ERBB4: variants seen among roughly 807,000 people sequenced by gnomAD.
ERBB4 encodes receptor tyrosine-protein kinase erbB-4.
Under a neutral mutation model 158.0 loss-of-function variants are expected in ERBB4, and 42 were observed. That is an observed-to-expected ratio of 0.27 (90% CI 0.21 to 0.34). The LOEUF (loss-of-function observed/expected upper bound fraction) is 0.34, where lower values mean the gene tolerates loss of function less well. Among genes scored for constraint, ERBB4 ranks in the 10% least tolerant of loss-of-function variants. The pLI is 1.00. For synonymous variants in ERBB4, 583 were observed against 558.7 expected (o/e 1.04, Z -0.61); for missense variants, 1,333 against 1,624.1 (o/e 0.82, Z 3.08).
In ERBB4 at chr2:212,359,059, A is replaced by T. The variant is rs1454204154; in HGVS notation, c.82+179390T>A. ...CTAGAAATGCAGAGGATGAGGGAAA[A>T]TAAACCAATGCAACATCATATTTTG... On this transcript the variant is annotated intron_variant, in intron 1 of 27. Transcript: ENST00000342788. 2.0e-5 allele frequency among the ~76,000 whole-genome samples: 3 copies of T among 151,812 alleles called. No individual in the cohort carries two copies. In the South Asian group the frequency reaches 6.2e-4, roughly 31 times the overall value.
intron 3 of ERBB4, among the ~76,000 whole-genome samples, chr2:211,867,074 T>C (rs1280372378): frequency 7.1e-6 from 1 of 141,662 alleles, no homozygotes; most frequent in African/African-American, 2.5e-5. Flanking sequence ...TCCAGAACTT[T>C]CAGTGTGATA....
chr2:212,369,332 T>G (rs2090004390), intron 1 of ERBB4, among the ~76,000 whole-genome samples: 1 of 152,160 alleles, frequency 6.6e-6, no homozygotes, highest in South Asian at 2.1e-4. Flanking sequence ...GTCCTCTTCA[T>G]TTACTTATGT....
At chr2:211,996,780 G>C (rs2082210025) in intron 2 of ERBB4, among the ~76,000 whole-genome samples, 1 of 152,084 alleles carries the variant, frequency 6.6e-6, no homozygotes, top group South Asian at 2.1e-4. Flanking sequence ...ATCCTATTTT[G>C]GTGCCAATGA....
intron 20 of ERBB4, among the ~76,000 whole-genome samples, chr2:211,488,584 T>C (rs1268786647): frequency 3.3e-5 from 5 of 152,090 alleles, no homozygotes; most frequent in Non-Finnish European, 7.4e-5. Context: ...GCCAATTTTA[T>C]TTTAAAATAA....
At chr2:212,478,101 A>T (rs929561931) in intron 1 of ERBB4, among the ~76,000 whole-genome samples, 1 of 152,176 alleles carries the variant, frequency 6.6e-6, no homozygotes, top group Non-Finnish European at 1.5e-5. Flanking sequence ...TGTTCAACTC[A>T]TTCAAGTTCA....
chr2:211,411,908 C>T (rs1449144972), intron 25 of ERBB4, among the ~76,000 whole-genome samples: 4 of 151,980 alleles, frequency 2.6e-5, no homozygotes, highest in Admixed American at 1.3e-4. Flanking sequence ...TATTGTATTT[C>T]ACTTGGTACA....
At chr2:212,411,319 A>C (rs2091492236) in intron 1 of ERBB4, among the ~76,000 whole-genome samples, 1 of 152,142 alleles carries the variant, frequency 6.6e-6, no homozygotes, top group Non-Finnish European at 1.5e-5. Flanking sequence ...TCATCTTAAT[A>C]ACTTTTTTCT....
chr2:211,628,927 T>C (rs1335887701), intron 17 of ERBB4, among the ~76,000 whole-genome samples: 1 of 152,250 alleles, frequency 6.6e-6, no homozygotes. Flanking sequence ...CCAGTGATGA[T>C]GAGCATTTTT....
At chr2:212,138,876 G>A (rs2080356214) in intron 1 of ERBB4, among the ~76,000 whole-genome samples, 1 of 151,824 alleles carries the variant, frequency 6.6e-6, no homozygotes, top group Non-Finnish European at 1.5e-5. Flanking sequence ...ACATGTCATG[G>A]GTATTGTTTT....
At chr2:212,298,068 A>G (rs1322215151) in intron 1 of ERBB4, among the ~76,000 whole-genome samples, 1 of 151,834 alleles carries the variant, frequency 6.6e-6, no homozygotes, top group Non-Finnish European at 1.5e-5. Flanking sequence ...ATGTATTATT[A>G]TCTTACTACA....
At chr2:211,605,424 G>A (rs2068945359) in intron 19 of ERBB4, among the ~76,000 whole-genome samples, 1 of 152,072 alleles carries the variant, frequency 6.6e-6, no homozygotes, top group South Asian at 2.1e-4. Context: ...GAAAAAACAA[G>A]AGTTCTCACC....
chr2:212,133,600 A>T (rs1311767983), intron 1 of ERBB4, among the ~76,000 whole-genome samples: 1 of 151,466 alleles, frequency 6.6e-6, no homozygotes, highest in African/African-American at 2.4e-5. Context: ...TTCAGTAAAC[A>T]TTTGTTAAAT....
chr2:212,347,423 T>C (rs1196782093), intron 1 of ERBB4, among the ~76,000 whole-genome samples: 1 of 152,256 alleles, frequency 6.6e-6, no homozygotes, highest in Admixed American at 6.5e-5. Flanking sequence ...GAATCACTAA[T>C]ATACCCAAAA....
chr2:211,676,745 A>T (rs2072091163), intron 13 of ERBB4, among the ~76,000 whole-genome samples: 1 of 152,188 alleles, frequency 6.6e-6, no homozygotes, highest in African/African-American at 2.4e-5. Context: ...TATTGCACAT[A>T]TATATTCAAT....
intron 16 of ERBB4, among the ~76,000 whole-genome samples, chr2:211,635,990 C>G (rs1157380964): frequency 6.6e-6 from 1 of 151,832 alleles, no homozygotes; most frequent in Non-Finnish European, 1.5e-5. Context: ...CTTTTAGAAG[C>G]TTTTAGATTA....
At chr2:212,419,755 T>C (rs1193394037) in intron 1 of ERBB4, among the ~76,000 whole-genome samples, 3 of 151,900 alleles carry the variant, frequency 2.0e-5, no homozygotes, top group Admixed American at 6.6e-5. Flanking sequence ...CATCTGAATA[T>C]ATTAGGCAAT....
chr2:212,270,437 C>T (rs1428994133), intron 1 of ERBB4, among the ~76,000 whole-genome samples: 2 of 151,676 alleles, frequency 1.3e-5, no homozygotes, highest in South Asian at 2.1e-4. Flanking sequence ...GTTTTTACCT[C>T]GCATTCTCTC....
intron 1 of ERBB4, among the ~76,000 whole-genome samples, chr2:212,391,729 A>T (rs570576955): frequency 2.6e-3 from 369 of 141,490 alleles, no homozygotes; most frequent in African/African-American, 9.4e-3. Flanking sequence ...TATATTATAT[A>T]TATGACATAT....
chr2:212,424,523 A>G (rs577022907), intron 1 of ERBB4, among the ~76,000 whole-genome samples: 1 of 152,274 alleles, frequency 6.6e-6, no homozygotes, highest in South Asian at 2.1e-4. Flanking sequence ...CTATATAAAA[A>G]AGAGAGCCTT....
Sources: gnomAD v4.1 joint callset for allele counts (sites outside exome capture counted in the v4.1 genomes callset) on GRCh38, gnomAD v4.1.1 for gene constraint, MANE v1.5 for transcripts, NCBI Gene and HGNC (gene_info 2026-07-23, HGNC 2026-07-21) for gene names.